SYNPR: variants seen among roughly 807,000 people sequenced by gnomAD.
SYNPR encodes synaptoporin.
In SYNPR, 23 loss-of-function variants were observed where a neutral mutation model predicts 32.9. That is an observed-to-expected ratio of 0.70 (90% CI 0.50 to 0.99). SYNPR has a LOEUF of 0.99. Among genes scored for constraint, SYNPR ranks in the 50% least tolerant of loss-of-function variants. The probability of loss-of-function intolerance (pLI) is 0.00; values close to 1 mark genes in which losing one functional copy is unlikely to be tolerated. For synonymous variants in SYNPR, 146 were observed against 135.9 expected (o/e 1.07, Z -0.52); for missense variants, 318 against 349.3 (o/e 0.91, Z 0.71).
chr3:63,556,855 C>A, intron 4 of SYNPR, 114 bp downstream of exon 4: 3 of 1,020,456 alleles, frequency 2.9e-6, no homozygotes, highest in Non-Finnish European at 4.1e-6. Flanking sequence ...GAAAGGAAAT[C>A]ACATTCTTTT....
chr3:63,307,721 T>A lies in SYNPR; in HGVS notation c.84+28979T>A, dbSNP rs1179665079. ...TAATCATCCTTCAATTTACAAGTTCTGTAAATTTTGATTTTCATATATTAA... is the reference window on the plus strand; with the variant it reads ...TAATCATCCTTCAATTTACAAGTTCAGTAAATTTTGATTTTCATATATTAA... On this transcript the variant is annotated intron_variant, in intron 2 of 5. Transcript: ENST00000478300. Among the ~76,000 whole-genome samples the A allele has an allele frequency of 3.9e-5, 6 of 152,038 alleles. No homozygotes were observed. In the East Asian group the frequency reaches 1.2e-3, roughly 29 times the overall value.
chr3:63,480,579 A>G (rs1047095130), intron 2 of SYNPR, among the ~76,000 whole-genome samples: 3 of 152,104 alleles, frequency 2.0e-5, no homozygotes, highest in Admixed American at 1.3e-4. Context: ...ACACTCAAAC[A>G]CAGCTATTTT....
chr3:63,362,040 A>G (rs959473157), intron 2 of SYNPR, among the ~76,000 whole-genome samples: 1 of 152,140 alleles, frequency 6.6e-6, no homozygotes, highest in Non-Finnish European at 1.5e-5. Flanking sequence ...TTGGCCAGTT[A>G]TGGCCAATAA....
intron 2 of SYNPR, chr3:63,445,627 A>T (rs1031164916): frequency 1.5e-6 from 1 of 649,904 alleles, no homozygotes; most frequent in African/African-American, 1.8e-5. Flanking sequence ...TACATGGCTT[A>T]TCCCCTTTAA....
chr3:63,560,720 G>A (rs957451287), intron 4 of SYNPR, among the ~76,000 whole-genome samples: 2 of 152,188 alleles, frequency 1.3e-5, no homozygotes, highest in Non-Finnish European at 1.5e-5. Flanking sequence ...AAAGAGAGAA[G>A]AAGTGAGCAA....
chr3:63,497,581 C>T (rs1363558062), intron 3 of SYNPR, among the ~76,000 whole-genome samples: 1 of 151,186 alleles, frequency 6.6e-6, no homozygotes, highest in African/African-American at 2.4e-5. Context: ...CAGTGTGAAC[C>T]ACCATCTTTG....
chr3:63,394,937 CT>C (rs2088191847), intron 2 of SYNPR, among the ~76,000 whole-genome samples: 1 of 152,148 alleles, frequency 6.6e-6, no homozygotes, highest in Non-Finnish European at 1.5e-5. Flanking sequence ...CTAATGAAAT[CT>C]TCAGTATAAA....
the SYNPR span, among the ~76,000 whole-genome samples, chr3:63,205,921 A>G: frequency 6.6e-6 from 1 of 152,198 alleles, no homozygotes; most frequent in African/African-American, 2.4e-5. Flanking sequence ...GTGAAAATCT[A>G]CTGAAGAAGT....
upstream of SYNPR, among the ~76,000 whole-genome samples, chr3:63,276,225 C>T (rs1220841463): frequency 2.0e-5 from 3 of 152,088 alleles, no homozygotes; most frequent in South Asian, 2.1e-4. Context: ...CAATAAAATG[C>T]CCACATTTTA....
intron 4 of SYNPR, among the ~76,000 whole-genome samples, chr3:63,558,240 TTATA>T (rs531111552): frequency 8.6e-4 from 131 of 152,354 alleles, no homozygotes; most frequent in Non-Finnish European, 1.5e-3. Flanking sequence ...CCTCTTTTCT[TTATA>T]AATTACCCAG....
At chr3:63,458,756 C>G (rs1240177606) in intron 2 of SYNPR, among the ~76,000 whole-genome samples, 1 of 152,120 alleles carries the variant, frequency 6.6e-6, no homozygotes, top group Non-Finnish European at 1.5e-5. Context: ...GTCCAATCTT[C>G]TTACCTTACT....
intron 2 of SYNPR, 56 bp downstream of exon 2, chr3:63,278,798 G>C (rs1575584005): frequency 6.5e-7 from 1 of 1,534,944 alleles, no homozygotes; most frequent in Non-Finnish European, 8.8e-7. Context: ...ATCAGGTGAG[G>C]AGAGGTCGGA....
chr3:63,386,603 ACTTC>A (rs143184474), intron 2 of SYNPR, among the ~76,000 whole-genome samples: 2,267 of 150,092 alleles, frequency 0.015, 45 homozygotes, highest in African/African-American at 0.052. Flanking sequence ...GATTATATTT[ACTTC>A]CTTCCTTCCT....
intron 2 of SYNPR, among the ~76,000 whole-genome samples, chr3:63,350,117 A>C (rs2087486586): frequency 6.6e-6 from 1 of 152,142 alleles, no homozygotes; most frequent in Non-Finnish European, 1.5e-5. Flanking sequence ...TAGGAAAGGA[A>C]TCTTAGTAAT....
chr3:63,344,740 C>A (rs887733025), intron 2 of SYNPR, among the ~76,000 whole-genome samples: 3 of 151,760 alleles, frequency 2.0e-5, no homozygotes, highest in Non-Finnish European at 4.4e-5. Flanking sequence ...GCAGAGCCGG[C>A]CAAGTGGAAA....
intron 3 of SYNPR, among the ~76,000 whole-genome samples, chr3:63,497,275 A>G (rs1701390523): frequency 1.3e-5 from 2 of 152,190 alleles, no homozygotes; most frequent in Non-Finnish European, 2.9e-5. Flanking sequence ...AACAACCCTC[A>G]TTAAATGTTG....
chr3:63,326,862 T>C (rs987334888), intron 2 of SYNPR, among the ~76,000 whole-genome samples: 1 of 152,154 alleles, frequency 6.6e-6, no homozygotes, highest in Non-Finnish European at 1.5e-5. Flanking sequence ...TAATTAAGTT[T>C]ACATTGGGCA....
At chr3:63,366,742 G>C (rs1371270280) in intron 2 of SYNPR, among the ~76,000 whole-genome samples, 1 of 152,160 alleles carries the variant, frequency 6.6e-6, no homozygotes, top group Non-Finnish European at 1.5e-5. Flanking sequence ...AACTGACTCT[G>C]TGCCAGGCAC....
At chr3:63,519,078 T>A (rs1050642418) in intron 3 of SYNPR, among the ~76,000 whole-genome samples, 9 of 152,212 alleles carry the variant, frequency 5.9e-5, no homozygotes, top group African/African-American at 2.2e-4. Flanking sequence ...GATTTGCATA[T>A]GTTGAACTAA....
Sources: gnomAD v4.1 joint callset for allele counts (sites outside exome capture counted in the v4.1 genomes callset) on GRCh38, gnomAD v4.1.1 for gene constraint, MANE v1.5 for transcripts, NCBI Gene and HGNC (gene_info 2026-07-23, HGNC 2026-07-21) for gene names.